COL10A1: variants seen among roughly 807,000 people sequenced by gnomAD.
The protein encoded by COL10A1 is collagen type X alpha 1 chain.
Under a neutral mutation model 18.2 loss-of-function variants are expected in COL10A1, and 10 were observed. The observed-to-expected ratio is 0.55, with a 90% CI of 0.34 to 0.93. COL10A1 has a LOEUF of 0.93. Among genes scored for constraint, COL10A1 ranks in the 40% least tolerant of loss-of-function variants. COL10A1 has a pLI of 0.02. For missense variants in COL10A1, 897 were observed against 853.5 expected (o/e 1.05, Z -0.64); for synonymous variants, 330 against 316.6 (o/e 1.04, Z -0.45).
chr6:116,138,234 T>G (rs942462973), intron 1 of COL10A1, among the ~76,000 whole-genome samples: 90 of 152,302 alleles, frequency 5.9e-4, no homozygotes, highest in African/African-American at 2.1e-3. Context: ...TCTTTAGAGA[T>G]AAAGAATTTG....
chr6:116,196,654 G>C, the COL10A1 span, among the ~76,000 whole-genome samples: 1 of 151,960 alleles, frequency 6.6e-6, no homozygotes, highest in Non-Finnish European at 1.5e-5. Context: ...ACAAAATAGT[G>C]TTTCTTTGTG....
the COL10A1 span, among the ~76,000 whole-genome samples, chr6:116,216,283 A>G: frequency 4.6e-5 from 7 of 152,130 alleles, no homozygotes; most frequent in African/African-American, 1.7e-4. Flanking sequence ...GAAGCAGGCA[A>G]AATACACAGA....
At chr6:116,123,846 G>A (rs1021622985) in intron 2 of COL10A1, among the ~76,000 whole-genome samples, 1 of 152,194 alleles carries the variant, frequency 6.6e-6, no homozygotes. Flanking sequence ...ATTAAGAGAA[G>A]ATCAAAGTAT....
At chr6:116,214,582 A>C in the COL10A1 span, among the ~76,000 whole-genome samples, 1 of 152,110 alleles carries the variant, frequency 6.6e-6, no homozygotes, top group Admixed American at 6.6e-5. Context: ...GCACATCTTC[A>C]GGCCCCACCC....
chr6:116,179,448 A>G, the COL10A1 span, among the ~76,000 whole-genome samples: 1 of 152,152 alleles, frequency 6.6e-6, no homozygotes, highest in Admixed American at 6.6e-5. Context: ...AGCAGAAAAA[A>G]AACAATCCTA....
chr6:116,127,787 T>C (rs1444010944), upstream of COL10A1, among the ~76,000 whole-genome samples: 1 of 152,184 alleles, frequency 6.6e-6, no homozygotes, highest in African/African-American at 2.4e-5. Flanking sequence ...TTGAGACTGA[T>C]ACCCTGTTAG....
At chr6:116,210,485 G>A in the COL10A1 span, among the ~76,000 whole-genome samples, 5 of 151,870 alleles carry the variant, frequency 3.3e-5, no homozygotes, top group East Asian at 1.9e-4. Flanking sequence ...TTCAAATTCC[G>A]ATTCTGCCAC....
At chr6:116,214,130 T>C in the COL10A1 span, among the ~76,000 whole-genome samples, 1 of 152,114 alleles carries the variant, frequency 6.6e-6, no homozygotes, top group African/African-American at 2.4e-5. Flanking sequence ...GCAAACCACT[T>C]ACAAACTTAG....
chr6:116,204,113 A>G, the COL10A1 span, among the ~76,000 whole-genome samples: 150 of 152,008 alleles, frequency 9.9e-4, no homozygotes, highest in Middle Eastern at 3.4e-3. Flanking sequence ...CACCTGGGTA[A>G]GGGAGAGGAC....
At chr6:116,179,147 A>G in the COL10A1 span, among the ~76,000 whole-genome samples, 1 of 152,142 alleles carries the variant, frequency 6.6e-6, no homozygotes, top group Non-Finnish European at 1.5e-5. Flanking sequence ...TGGGGATACC[A>G]ATTTATTTGT....
chr6:116,147,984 C>CA (rs1445896372), intron 1 of COL10A1, among the ~76,000 whole-genome samples: 4,990 of 109,048 alleles, frequency 0.046, 276 homozygotes, highest in African/African-American at 0.15. Flanking sequence ...GACTCTGTCT[C>CA]AAAAAAAAAA....
At position 116,120,348 on chromosome 6, in the gene COL10A1, T is replaced by C. The variant is rs1261139421; in HGVS notation, c.1768A>G (p.Thr590Ala). 3 of 1,614,122 alleles carry C rather than the reference T, an allele frequency of 1.9e-6. No homozygotes were observed. Among genetic ancestry groups the C allele is most frequent in the Admixed American group, 1.7e-5 (1 of 60,008 alleles). Residue 590 changes from threonine (T) to alanine (A), a missense_variant, in exon 3 of 3, where the codon ACT becomes GCT. Physicochemically the swap from Thr to Ala is moderately conservative, Grantham distance 58. Transcript: ENST00000651968. ...TAGTATATTCCTGGTATCTGACAAG[T>C]AAAGATTCCAGTCCTTGGGTCATAA... ...QHYDPRTGIF[T>A]CQIPGIYYFS...
At chr6:116,138,111 A>T (rs559602722) in intron 1 of COL10A1, among the ~76,000 whole-genome samples, 1 of 152,154 alleles carries the variant, frequency 6.6e-6, no homozygotes, top group Admixed American at 6.5e-5. Flanking sequence ...GTCCAGCTCA[A>T]TAGCTGACAT....
At chr6:116,213,806 G>T in the COL10A1 span, among the ~76,000 whole-genome samples, 1 of 152,070 alleles carries the variant, frequency 6.6e-6, no homozygotes, top group Non-Finnish European at 1.5e-5. Flanking sequence ...CCTGCAAAAG[G>T]ATCAGAAAGA....
intron 1 of COL10A1, among the ~76,000 whole-genome samples, chr6:116,135,834 GATATATATATATAT>G (rs199827970): frequency 0.033 from 3,390 of 102,336 alleles, 156 homozygotes; most frequent in African/African-American, 0.12. Context: ...TATATTTTCA[GATATATATATATAT>G]ATATATATAT....
At chr6:116,179,837 A>T in the COL10A1 span, among the ~76,000 whole-genome samples, 1 of 152,096 alleles carries the variant, frequency 6.6e-6, no homozygotes, top group Non-Finnish European at 1.5e-5. Flanking sequence ...GCACAAGAAT[A>T]TACATAATGC....
chr6:116,181,337 T>C, the COL10A1 span, among the ~76,000 whole-genome samples: 1 of 152,144 alleles, frequency 6.6e-6, no homozygotes, highest in South Asian at 2.1e-4. Context: ...ATTAGCAAAT[T>C]CAGAATATAT....
chr6:116,139,221 T>A (rs1027503557), intron 1 of COL10A1, among the ~76,000 whole-genome samples: 1 of 152,114 alleles, frequency 6.6e-6, no homozygotes, highest in African/African-American at 2.4e-5. Context: ...CTTATCAAAG[T>A]GTGGATTTTT....
the COL10A1 span, among the ~76,000 whole-genome samples, chr6:116,175,611 C>T: frequency 6.6e-6 from 1 of 152,160 alleles, no homozygotes; most frequent in Non-Finnish European, 1.5e-5. Context: ...TCTCCCCCGA[C>T]ACAGTTTTTT....
Sources: allele counts gnomAD v4.1 joint callset (sites outside exome capture counted in the v4.1 genomes callset), GRCh38; gene constraint gnomAD v4.1.1; transcripts MANE v1.5; gene names NCBI Gene and HGNC (gene_info 2026-07-23, HGNC 2026-07-21).